The following DNAH3 variants were observed in gnomAD, a reference collection of about 807,000 sequenced individuals.
DNAH3 encodes the protein axonemal beta dynein heavy chain 3.
In DNAH3, 332 loss-of-function variants were observed where a neutral mutation model predicts 432.5. That is an observed-to-expected ratio of 0.77 (90% CI 0.70 to 0.84). DNAH3 has a LOEUF of 0.84. Among genes scored for constraint, DNAH3 ranks in the 40% least tolerant of loss-of-function variants. DNAH3 has a pLI of 0.00. For missense variants in DNAH3, 4,861 were observed against 5,114.0 expected (o/e 0.95, Z 1.51); for synonymous variants, 1,956 against 1,900.2 (o/e 1.03, Z -0.76).
intron 8 of DNAH3, 23 bp from the exon 10 acceptor site, chr16:21,125,393 A>G: frequency 6.4e-7 from 1 of 1,551,726 alleles, no homozygotes; most frequent in Non-Finnish European, 8.7e-7. Flanking sequence ...AAGGGTGTCC[A>G]TGTGAGAAGC....
chr16:20,975,223 G>C lies in DNAH3; in HGVS notation c.8259+10C>G, dbSNP rs2085531017. The C allele has an allele frequency of 6.2e-7, 1 of 1,612,280 alleles. No homozygotes were observed. Among genetic ancestry groups the C allele is most frequent in the Non-Finnish European group, 8.5e-7 (1 of 1,179,844 alleles). ...CACCAGTTCCCTCCCTTTCTTCTCA[G>C]TCTTTCTACCTTGATTCCTTGGGCA... On this transcript the variant is annotated intron_variant, in intron 51 of 61. Coordinates refer to ENST00000261383, the Ensembl canonical transcript of DNAH3.
intron 25 of DNAH3, among the ~76,000 whole-genome samples, chr16:21,062,261 T>C (rs940618256): frequency 1.1e-4 from 17 of 152,212 alleles, no homozygotes; most frequent in Admixed American, 1.1e-3. Context: ...TCCACAAATT[T>C]AATATGTCAT....
chr16:21,042,794 T>G (rs1037738461), intron 31 of DNAH3, among the ~76,000 whole-genome samples: 5 of 152,194 alleles, frequency 3.3e-5, no homozygotes, highest in Admixed American at 2.6e-4. Context: ...TAGCATTAAG[T>G]ATATCTCCCG....
At chr16:21,123,649 G>C (rs2092389351) in intron 9 of DNAH3, among the ~76,000 whole-genome samples, 1 of 152,078 alleles carries the variant, frequency 6.6e-6, no homozygotes. Flanking sequence ...TTTATAACCA[G>C]GTAATTTTTA....
At chr16:20,990,690 G>A (rs557471247) in intron 44 of DNAH3, among the ~76,000 whole-genome samples, 32 of 152,060 alleles carry the variant, frequency 2.1e-4, no homozygotes, top group Non-Finnish European at 3.7e-4. Flanking sequence ...ATCATTATAA[G>A]GTTAACACTC....
In DNAH3 at chr16:21,024,933, T is replaced by A. The variant is rs563841693; in HGVS notation, c.5541-232A>T. On this transcript the variant is annotated intron_variant, in intron 38 of 61. Coordinates refer to ENST00000261383, the Ensembl canonical transcript of DNAH3. ...TCTATATGTTCCTAAAATGTTTATTTGTTTGTTTGGAGACAGTGTCTTGCT... is the reference window on the plus strand; with the variant it reads ...TCTATATGTTCCTAAAATGTTTATTAGTTTGTTTGGAGACAGTGTCTTGCT... 3.9e-5 allele frequency among the ~76,000 whole-genome samples: 6 copies of A among 152,324 alleles called. No homozygotes were observed. The South Asian group carries it at 1.2e-3, about 32-fold the overall frequency.
At chr16:21,049,958 A>G (rs2089883493) in exon 30 of DNAH3, 1 of 1,614,210 alleles carries the variant, frequency 6.2e-7, no homozygotes, top group Non-Finnish European at 8.5e-7. Context: ...CTGTCTTGCC[A>G]GTCCCAGCTG....
intron 44 of DNAH3, among the ~76,000 whole-genome samples, chr16:20,993,959 T>G (rs1484466354): frequency 6.6e-6 from 1 of 152,224 alleles, no homozygotes; most frequent in Non-Finnish European, 1.5e-5. Context: ...TTCCAGTATG[T>G]AATTCTCAAA....
intron 18 of DNAH3, among the ~76,000 whole-genome samples, chr16:21,089,886 A>G (rs2091480402): frequency 6.6e-6 from 1 of 152,096 alleles, no homozygotes; most frequent in Admixed American, 6.5e-5. Context: ...GTTTCCTTGG[A>G]AAACTAAAAT....
exon 53 of DNAH3, chr16:20,964,964 G>T: frequency 6.2e-7 from 1 of 1,614,136 alleles, no homozygotes; most frequent in Non-Finnish European, 8.5e-7. Flanking sequence ...TCTCCCCCAA[G>T]ACCACTGATC....
At chr16:21,050,006 T>C (rs761709261) in exon 30 of DNAH3, 28 of 1,613,872 alleles carry the variant, frequency 1.7e-5, no homozygotes, top group Middle Eastern at 1.6e-4. Flanking sequence ...GCTTCAAAGC[T>C]CCCATCAGTG....
At chr16:21,127,984 G>T (rs960817471) in intron 7 of DNAH3, among the ~76,000 whole-genome samples, 172 bp from the exon 9 acceptor site, 1 of 152,112 alleles carries the variant, frequency 6.6e-6, no homozygotes, top group African/African-American at 2.4e-5. Context: ...TGAGGAGGGA[G>T]GAGCTAAGTC....
At chr16:21,138,282 T>C (rs916521122) in intron 5 of DNAH3, among the ~76,000 whole-genome samples, 2 of 151,478 alleles carry the variant, frequency 1.3e-5, no homozygotes, top group Non-Finnish European at 2.9e-5. Context: ...AGGTTGCTGC[T>C]GCCAGCCTCT....
Position 20,969,973 on chromosome 16 carries a change from GT to G in DNAH3, c.8276del (p.Asp2759AlafsTer2). 6.2e-7 allele frequency: 1 copy of G among 1,614,008 alleles called. No individual in the cohort carries two copies. The highest frequency in any genetic ancestry group is 8.5e-7 in the Non-Finnish European group (1 of 1,180,026). The stretch of plus-strand genomic sequence containing the variant: ...CGAGTGCAGGCATTGCCTCAGCTAG[GT>G]CCCCCTCACATTCGTTCTGTGGGCG... On this transcript the variant is annotated frameshift_variant, in exon 52 of 62. Coordinates refer to ENST00000261383, the Ensembl canonical transcript of DNAH3. LOFTEE classifies it high-confidence loss of function.
intron 57 of DNAH3, among the ~76,000 whole-genome samples, chr16:20,947,474 G>C (rs1446079724): frequency 2.0e-5 from 3 of 152,164 alleles, no homozygotes; most frequent in Non-Finnish European, 2.9e-5. Context: ...GAAGCTGGTT[G>C]GTCAGTTCTT....
intron 44 of DNAH3, among the ~76,000 whole-genome samples, chr16:20,990,962 A>C (rs1366852163): frequency 6.6e-6 from 1 of 152,164 alleles, no homozygotes; most frequent in Admixed American, 6.5e-5. Flanking sequence ...CAGAGGTTAC[A>C]GTGAGCCGAG....
chr16:21,159,317 C>G (rs1174979756), intron 1 of DNAH3: 32 of 1,612,218 alleles, frequency 2.0e-5, no homozygotes, highest in Non-Finnish European at 2.7e-5. Context: ...CGCGGACCCC[C>G]TCTCCACCTG....
In DNAH3 at chr16:20,965,164, C is replaced by T. The variant is rs201260238; in HGVS notation, c.8720G>A (p.Arg2907Gln). ...CAGCTTCCCCTCTGCCTCCCTCAGT[C>T]GCTCCCGTTTGGGAGCCACCACCTT... is the stretch of plus-strand genomic sequence containing the variant. The change falls in exon 53 of 62, where the codon CGA becomes CAA. Residue 2907 changes from arginine (R) to glutamine (Q), a missense_variant. Transcript: ENST00000261383. 9 of 1,613,984 alleles carry T rather than the reference C, an allele frequency of 5.6e-6. No homozygotes were observed. The African/African-American group carries it at 6.7e-5, about 12-fold the overall frequency.
chr16:21,113,700 T>G (rs2092124043), intron 12 of DNAH3, among the ~76,000 whole-genome samples: 2 of 152,164 alleles, frequency 1.3e-5, no homozygotes, highest in Non-Finnish European at 2.9e-5. Flanking sequence ...CTCAAGTCAT[T>G]TGCCCACCTT....
Sources: allele counts gnomAD v4.1 joint callset (sites outside exome capture counted in the v4.1 genomes callset), GRCh38; gene constraint gnomAD v4.1.1; transcripts MANE v1.5; gene names NCBI Gene and HGNC (gene_info 2026-07-23, HGNC 2026-07-21).